Variants in RSU1 observed in about 807,000 individuals in gnomAD.
The protein encoded by RSU1 is rsu-1.
Under a neutral mutation model 31.1 loss-of-function variants are expected in RSU1, and 26 were observed. The observed-to-expected ratio is 0.84, with a 90% CI of 0.61 to 1.16. RSU1 has a LOEUF of 1.16. RSU1 is among the 50% of genes most tolerant of loss of function. The pLI, the probability that RSU1 is intolerant of heterozygous loss-of-function variation, is 0.00. For synonymous variants in RSU1, 164 were observed against 136.3 expected (o/e 1.20, Z -1.41); for missense variants, 320 against 339.1 (o/e 0.94, Z 0.44).
chr10:16,713,635 T>G (rs1424751430), intron 7 of RSU1, among the ~76,000 whole-genome samples: 1 of 152,248 alleles, frequency 6.6e-6, no homozygotes, highest in African/African-American at 2.4e-5. Context: ...CTCTTGTATC[T>G]CCATGAGTTT....
chr10:16,711,607 CA>C (rs1836020453), intron 7 of RSU1, among the ~76,000 whole-genome samples: 1 of 152,162 alleles, frequency 6.6e-6, no homozygotes. Flanking sequence ...TTGTTTGTCT[CA>C]AAGCAATTTT....
intron 3 of RSU1, among the ~76,000 whole-genome samples, chr10:16,779,854 A>G (rs778666840): frequency 2.0e-5 from 3 of 152,236 alleles, no homozygotes; most frequent in Admixed American, 1.3e-4. Context: ...TGCCAGAAAA[A>G]TAGTAAAGGA....
chr10:16,730,085 C>T (rs543249447), intron 7 of RSU1, among the ~76,000 whole-genome samples: 1 of 152,124 alleles, frequency 6.6e-6, no homozygotes, highest in South Asian at 2.1e-4. Context: ...GGAAGGGGAG[C>T]TGTTGTGTAT....
chr10:16,685,079 C>A (rs572077030), intron 8 of RSU1, among the ~76,000 whole-genome samples: 51 of 152,222 alleles, frequency 3.4e-4, no homozygotes, highest in Admixed American at 2.4e-3. Context: ...AAAACCCCAT[C>A]TCTACTAAAA....
At chr10:16,679,737 A>G (rs908218208) in intron 8 of RSU1, among the ~76,000 whole-genome samples, 1 of 151,948 alleles carries the variant, frequency 6.6e-6, no homozygotes, top group Non-Finnish European at 1.5e-5. Flanking sequence ...AAGGCTCTCT[A>G]TTGCCAGCTC....
intron 7 of RSU1, among the ~76,000 whole-genome samples, chr10:16,707,093 C>T (rs1268995585): frequency 6.6e-6 from 1 of 152,136 alleles, no homozygotes; most frequent in Non-Finnish European, 1.5e-5. Context: ...ACTTTCATGG[C>T]TGAATAATAT....
intron 7 of RSU1, among the ~76,000 whole-genome samples, chr10:16,715,119 G>A (rs7076138): frequency 0.054 from 8,231 of 152,254 alleles, 364 homozygotes; most frequent in African/African-American, 0.13. Flanking sequence ...CAGGAAGTTT[G>A]CTGCTCCCCT....
intron 7 of RSU1, among the ~76,000 whole-genome samples, chr10:16,702,819 T>C (rs1260240988): frequency 6.6e-6 from 1 of 152,196 alleles, no homozygotes; most frequent in Non-Finnish European, 1.5e-5. Context: ...GATTATATTT[T>C]GCAATGTAAG....
chr10:16,641,441 G>A (rs958928527), intron 8 of RSU1, among the ~76,000 whole-genome samples: 4 of 150,460 alleles, frequency 2.7e-5, no homozygotes, highest in South Asian at 2.1e-4. Flanking sequence ...GCAGTAAGCC[G>A]AGACTGTGCC....
Position 16,802,859 on chromosome 10 carries a change from G to A in RSU1, c.109+14114C>T, listed in dbSNP as rs184806148. On this transcript the variant is annotated intron_variant, in intron 2 of 8. Transcript: ENST00000345264. ...CCCATAAAAACTCTTAGCAAACTAG[G>A]AATAGAGGAAGAACTTTCTCAACTT... Among the ~76,000 whole-genome samples, 18 of 152,152 alleles carry A rather than the reference G, an allele frequency of 1.2e-4. No individual in the cohort carries two copies. In the East Asian group the frequency reaches 2.9e-3, roughly 24 times the overall value.
chr10:16,799,840 C>T (rs537939567), intron 2 of RSU1, among the ~76,000 whole-genome samples: 14 of 151,994 alleles, frequency 9.2e-5, no homozygotes, highest in African/African-American at 2.9e-4. Context: ...TAGCCGGGGG[C>T]GGGGAGGGGA....
intron 8 of RSU1, among the ~76,000 whole-genome samples, chr10:16,613,177 G>C (rs542479807): frequency 9.9e-5 from 15 of 152,240 alleles, no homozygotes; most frequent in African/African-American, 3.1e-4. Flanking sequence ...AACTCCAAAA[G>C]GCACACCAGT....
chr10:16,750,502 G>T (rs1329488619), intron 7 of RSU1, among the ~76,000 whole-genome samples: 2 of 152,168 alleles, frequency 1.3e-5, no homozygotes, highest in Admixed American at 1.3e-4. Context: ...AGCAAAATGA[G>T]TAAGATTTTA....
At chr10:16,600,121 G>A (rs1345474225) in intron 8 of RSU1, among the ~76,000 whole-genome samples, 1 of 152,186 alleles carries the variant, frequency 6.6e-6, no homozygotes, top group African/African-American at 2.4e-5. Context: ...AGAGTCTGAT[G>A]AACAGGCTTC....
chr10:16,642,328 C>G (rs1049986780), intron 8 of RSU1, among the ~76,000 whole-genome samples: 1 of 152,176 alleles, frequency 6.6e-6, no homozygotes, highest in African/African-American at 2.4e-5. Flanking sequence ...AAACAACGTG[C>G]TGCTCTGCGG....
At chr10:16,724,454 C>G (rs946492429) in intron 7 of RSU1, among the ~76,000 whole-genome samples, 1 of 152,132 alleles carries the variant, frequency 6.6e-6, no homozygotes, top group Non-Finnish European at 1.5e-5. Flanking sequence ...ACACATGGCT[C>G]CTTGGAACGC....
intron 7 of RSU1, among the ~76,000 whole-genome samples, chr10:16,712,650 ATTT>A (rs1442484494): frequency 6.6e-6 from 1 of 152,078 alleles, no homozygotes; most frequent in East Asian, 1.9e-4. Flanking sequence ...TAATCTACTT[ATTT>A]ATTATATATT....
intron 8 of RSU1, among the ~76,000 whole-genome samples, chr10:16,664,690 T>C (rs1455702261): frequency 1.3e-5 from 2 of 152,206 alleles, no homozygotes; most frequent in South Asian, 2.1e-4. Flanking sequence ...TGAGACTTCT[T>C]TGAACTCTAC....
intron 8 of RSU1, among the ~76,000 whole-genome samples, chr10:16,616,371 CAAAAAAAAAAAAAAAAAA>C (rs529296931): frequency 2.2e-5 from 2 of 90,948 alleles, no homozygotes; most frequent in African/African-American, 6.3e-5. Flanking sequence ...GCCTACCAAC[CAAAAAAAAAAAAAAAAAA>C]AAAAAACCCC....
Sources: gnomAD v4.1 joint callset for allele counts (sites outside exome capture counted in the v4.1 genomes callset) on GRCh38, gnomAD v4.1.1 for gene constraint, MANE v1.5 for transcripts, NCBI Gene and HGNC (gene_info 2026-07-23, HGNC 2026-07-21) for gene names.